SPIDR: variants seen among roughly 807,000 people sequenced by gnomAD.
SPIDR encodes DNA repair-scaffolding protein.
SPIDR carries 93 observed loss-of-function variants against 104.6 expected under a neutral mutation model. The ratio of observed to expected loss-of-function variants is 0.89; its 90% CI spans 0.75 to 1.06. The LOEUF is 1.06. Among genes scored for constraint, SPIDR ranks in the 50% least tolerant of loss-of-function variants. The probability of loss-of-function intolerance (pLI) is 0.00; values close to 1 mark genes in which losing one functional copy is unlikely to be tolerated. For missense variants in SPIDR, 1,154 were observed against 1,111.2 expected, an observed-to-expected ratio of 1.04 and a Z score of -0.55; for synonymous variants, 431 against 416.9, an observed-to-expected ratio of 1.03 and a Z score of -0.41.
intron 11 of SPIDR, among the ~76,000 whole-genome samples, chr8:47,695,785 A>C (rs149264059): frequency 1.9e-3 from 283 of 152,364 alleles, no homozygotes; most frequent in African/African-American, 6.7e-3. Flanking sequence ...ATCAAGATAA[A>C]TAACACCAGC....
chr8:47,288,543 C>T (rs2039298516), intron 3 of SPIDR, among the ~76,000 whole-genome samples: 2 of 152,154 alleles, frequency 1.3e-5, no homozygotes, highest in Non-Finnish European at 2.9e-5. Flanking sequence ...CTCGGCCTCC[C>T]GAAGTCTAGG....
In SPIDR at chr8:47,567,256, G is replaced by A. The variant is rs895465016; in HGVS notation, c.1098-28555G>A. On this transcript the variant is annotated intron_variant, in intron 8 of 19. Coordinates refer to ENST00000297423, the MANE Select transcript of SPIDR (RefSeq NM_001080394.4). ...TTTTTCTTTTTTTAGTTTTGCTCTCGTTGCCCATGCTGGAGTGCAATGGTG... is the reference window on the plus strand; with the variant it reads ...TTTTTCTTTTTTTAGTTTTGCTCTCATTGCCCATGCTGGAGTGCAATGGTG... Among the ~76,000 whole-genome samples, 7 of 150,028 alleles carry A rather than the reference G, an allele frequency of 4.7e-5. No individual in the cohort carries two copies. The East Asian group carries it at 9.7e-4, about 21-fold the overall frequency.
intron 2 of SPIDR, among the ~76,000 whole-genome samples, chr8:47,282,661 T>C (rs1240319363): frequency 5.3e-5 from 8 of 152,332 alleles, no homozygotes; most frequent in African/African-American, 1.4e-4. Context: ...GCTAAAACTT[T>C]CTATTAGCAA....
chr8:47,541,981 A>G (rs2088259701), intron 8 of SPIDR, among the ~76,000 whole-genome samples: 1 of 152,076 alleles, frequency 6.6e-6, no homozygotes, highest in Non-Finnish European at 1.5e-5. Flanking sequence ...ATGCATACAC[A>G]TACTTCTATC....
chr8:47,595,716 A>T (rs1358806011), intron 8 of SPIDR, 95 bp from the exon 9 acceptor site: 5 of 1,187,930 alleles, frequency 4.2e-6, no homozygotes, highest in Non-Finnish European at 6.1e-6. Context: ...TGTCCATAGC[A>T]GGCGAGTCAT....
chr8:47,390,331 G>A (rs1483553153), intron 5 of SPIDR, among the ~76,000 whole-genome samples: 1 of 151,996 alleles, frequency 6.6e-6, no homozygotes, highest in African/African-American at 2.4e-5. Flanking sequence ...TTACAGTTTT[G>A]TTTTAATGTG....
In SPIDR at chr8:47,543,911, C is replaced by T. The variant is rs543441146; in HGVS notation, c.1098-51900C>T. ...TTGGCCTCAGATAATTGGCTGAAGG[C>T]GATAAAGGAATGAATCATCTGTTTC... On this transcript the variant is annotated intron_variant, in intron 8 of 19. Coordinates refer to ENST00000297423, the MANE Select transcript of SPIDR (RefSeq NM_001080394.4). Among the ~76,000 whole-genome samples the T allele has an allele frequency of 4.6e-5, 7 of 152,178 alleles. No individual in the cohort carries two copies. The East Asian group carries it at 1.2e-3, about 25-fold the overall frequency.
intron 8 of SPIDR, among the ~76,000 whole-genome samples, chr8:47,451,432 A>G (rs781936721): frequency 6.6e-6 from 1 of 151,950 alleles, no homozygotes; most frequent in Non-Finnish European, 1.5e-5. Flanking sequence ...AAATGCAAAA[A>G]TTACCTGGAT....
intron 10 of SPIDR, among the ~76,000 whole-genome samples, chr8:47,606,768 G>A (rs557080292): frequency 1.3e-5 from 2 of 152,216 alleles, no homozygotes; most frequent in Non-Finnish European, 2.9e-5. Context: ...CTCACCTGCT[G>A]TGTCCTGCTG....
chr8:47,268,015 C>T (rs1200422162), intron 1 of SPIDR, among the ~76,000 whole-genome samples: 1 of 152,192 alleles, frequency 6.6e-6, no homozygotes, highest in Non-Finnish European at 1.5e-5. Context: ...TTTCTACACA[C>T]TGTGAGGTAG....
intron 10 of SPIDR, among the ~76,000 whole-genome samples, chr8:47,646,670 G>A (rs187371745): frequency 2.9e-4 from 44 of 152,216 alleles, no homozygotes; most frequent in African/African-American, 9.4e-4. Flanking sequence ...CTTGAAATGG[G>A]CTATATTCCT....
At chr8:47,494,635 T>G (rs2079179808) in intron 8 of SPIDR, among the ~76,000 whole-genome samples, 2 of 152,050 alleles carry the variant, frequency 1.3e-5, no homozygotes, top group Admixed American at 6.6e-5. Flanking sequence ...GAGGATCAAA[T>G]GAGATTATAT....
intron 8 of SPIDR, among the ~76,000 whole-genome samples, chr8:47,558,806 A>AT (rs1207784925): frequency 6.6e-6 from 1 of 151,722 alleles, no homozygotes; most frequent in African/African-American, 2.4e-5. Context: ...CGCCCAGCTA[A>AT]TTTTTTTGTA....
intron 8 of SPIDR, among the ~76,000 whole-genome samples, chr8:47,558,367 A>ACCTGG (rs2091569009): frequency 6.6e-6 from 1 of 152,202 alleles, no homozygotes; most frequent in Non-Finnish European, 1.5e-5. Context: ...GGTTGGGTAC[A>ACCTGG]CTGTTATATA....
intron 7 of SPIDR, among the ~76,000 whole-genome samples, chr8:47,413,810 C>A (rs1253094561): frequency 6.6e-6 from 1 of 152,026 alleles, no homozygotes. Flanking sequence ...AGTTTGCTTT[C>A]CTTATTTTCC....
chr8:47,310,791 G>T (rs1554584547), intron 5 of SPIDR, among the ~76,000 whole-genome samples: 1 of 152,086 alleles, frequency 6.6e-6, no homozygotes, highest in African/African-American at 2.4e-5. Context: ...TATTTCATTT[G>T]CACAAGAAAG....
chr8:47,626,143 T>C (rs1463879807), intron 10 of SPIDR, among the ~76,000 whole-genome samples: 1 of 152,174 alleles, frequency 6.6e-6, no homozygotes, highest in African/African-American at 2.4e-5. Context: ...GGGGAAAGGA[T>C]TCCCTATTTA....
chr8:47,722,023 C>G (rs1402800027), intron 16 of SPIDR, among the ~76,000 whole-genome samples: 1 of 152,142 alleles, frequency 6.6e-6, no homozygotes, highest in Admixed American at 6.5e-5. Context: ...CATGGAATAT[C>G]TTTGCATTTA....
intron 10 of SPIDR, chr8:47,654,053 G>C: frequency 7.8e-7 from 1 of 1,289,524 alleles, no homozygotes; most frequent in Non-Finnish European, 1.0e-6. Context: ...GACAGATAGG[G>C]GCGTGGTAGC....
Sources: gnomAD v4.1 joint callset for allele counts (sites outside exome capture counted in the v4.1 genomes callset) on GRCh38, gnomAD v4.1.1 for gene constraint, MANE v1.5 for transcripts, NCBI Gene and HGNC (gene_info 2026-07-23, HGNC 2026-07-21) for gene names.